Variants in FOXN2 observed in about 807,000 individuals in gnomAD.
The protein encoded by FOXN2 is forkhead box protein N2.
Under a neutral mutation model 41.2 loss-of-function variants are expected in FOXN2, and 19 were observed. The observed-to-expected ratio is 0.46, with a 90% CI of 0.32 to 0.68. The LOEUF (loss-of-function observed/expected upper bound fraction) is 0.68. Ranked by LOEUF, FOXN2 falls within the 30% of genes least tolerant of loss-of-function variation. The pLI, the probability that FOXN2 is intolerant of heterozygous loss-of-function variation, is 0.03. For missense variants in FOXN2, 587 were observed against 509.4 expected (o/e 1.15, Z -1.47); for synonymous variants, 195 against 176.8 (o/e 1.10, Z -0.82).
intron 4 of FOXN2, among the ~76,000 whole-genome samples, chr2:48,359,401 C>G (rs1374753648): frequency 6.6e-6 from 1 of 152,110 alleles, no homozygotes; most frequent in Non-Finnish European, 1.5e-5. Context: ...TCAGGTGATC[C>G]TCCCACCTCG....
chr2:48,343,057 A>G (rs1344778713), intron 2 of FOXN2, among the ~76,000 whole-genome samples: 3 of 152,216 alleles, frequency 2.0e-5, no homozygotes, highest in Non-Finnish European at 4.4e-5. Context: ...TGTTACGTTA[A>G]TAAAACTCAC....
intron 2 of FOXN2, among the ~76,000 whole-genome samples, chr2:48,335,983 G>C (rs1271869183): frequency 6.6e-6 from 1 of 150,594 alleles, no homozygotes; most frequent in Non-Finnish European, 1.5e-5. Flanking sequence ...AGTGAACATC[G>C]CACCACCGCA....
intron 1 of FOXN2, among the ~76,000 whole-genome samples, chr2:48,316,453 T>C (rs1374972876): frequency 6.6e-6 from 1 of 152,244 alleles, no homozygotes; most frequent in Non-Finnish European, 1.5e-5. Context: ...TAGAAAAATC[T>C]ATTTTTTTCT....
At chr2:48,374,457 T>C (rs1000919002) in intron 6 of FOXN2, among the ~76,000 whole-genome samples, 5 of 152,234 alleles carry the variant, frequency 3.3e-5, no homozygotes, top group African/African-American at 1.2e-4. Flanking sequence ...ACAACCACTT[T>C]GGAGGGCAAT....
intron 1 of FOXN2, among the ~76,000 whole-genome samples, chr2:48,319,690 A>C (rs1669161884): frequency 6.7e-6 from 1 of 150,182 alleles, no homozygotes; most frequent in Admixed American, 6.7e-5. Context: ...AGTGCACTGC[A>C]AGCTCCACCT....
At chr2:48,347,785 C>G (rs139379920) in intron 3 of FOXN2, among the ~76,000 whole-genome samples, 99 of 152,180 alleles carry the variant, frequency 6.5e-4, no homozygotes, top group African/African-American at 2.3e-3. Flanking sequence ...TCTCATTATT[C>G]AGTTTTGCTG....
At chr2:48,322,930 G>A (rs1486639271) in intron 1 of FOXN2, among the ~76,000 whole-genome samples, 1 of 149,550 alleles carries the variant, frequency 6.7e-6, no homozygotes, top group African/African-American at 2.5e-5. Context: ...TTGTAACTTT[G>A]TGTGGGATTC....
chr2:48,360,893 G>C (rs1489201968), intron 4 of FOXN2, among the ~76,000 whole-genome samples: 2 of 150,384 alleles, frequency 1.3e-5, no homozygotes, highest in Admixed American at 6.6e-5. Flanking sequence ...GCACGCCTGT[G>C]GTCCCAGCTA....
chr2:48,335,023 A>G (rs936466494), intron 2 of FOXN2, among the ~76,000 whole-genome samples: 2 of 152,222 alleles, frequency 1.3e-5, no homozygotes, highest in African/African-American at 4.8e-5. Context: ...GATAAAACCT[A>G]ACATATAATC....
In FOXN2 at chr2:48,349,756, C is replaced by T. The variant is rs904051075; in HGVS notation, c.537+3005C>T. Among the ~76,000 whole-genome samples the T allele has an allele frequency of 3.9e-5, 6 of 152,170 alleles. No homozygotes were observed. The South Asian group carries it at 6.2e-4, about 16-fold the overall frequency. The stretch of plus-strand genomic sequence containing the variant: ...AACCTGGGCAACAAGAGTGAAACTC[C>T]GTCTCAAAAAATAAATAAATAAAAT... On this transcript the variant is annotated intron_variant, in intron 3 of 6. Transcript: ENST00000340553.
intron 4 of FOXN2, among the ~76,000 whole-genome samples, chr2:48,361,473 A>G (rs902813089): frequency 6.6e-6 from 1 of 152,138 alleles, no homozygotes; most frequent in Non-Finnish European, 1.5e-5. Context: ...TCTCAAAAAA[A>G]AAAAAAAAAG....
rs1199463837 is a variant in FOXN2 at position 48,376,343 on chromosome 2, T to C, written c.*900T>C. 1.3e-5 allele frequency: 2 copies of C among 152,094 alleles called. No individual in the cohort carries two copies. Among genetic ancestry groups the C allele is most frequent in the East Asian group, 3.9e-4 (2 of 5,182 alleles). The allele number at this position is 152,094 out of a possible 1,614,324, so 9.4% of individuals were successfully genotyped here. A position where few individuals can be genotyped will look rare whatever the true frequency, so the allele number is the denominator to read the frequency against. ...CATTTGCCTGCCATGTGTACTGTAT[T>C]ATGAGAATCTTATAATCGGAATGGA... On this transcript the variant is annotated 3_prime_UTR_variant, in exon 7 of 7. Coordinates refer to ENST00000340553, the MANE Select transcript of FOXN2 (RefSeq NM_002158.4).
In FOXN2 at chr2:48,376,669, CTA is replaced by C. The variant is rs1388784377; in HGVS notation, c.*1228_*1229del. The stretch of plus-strand genomic sequence containing the variant: ...AAAGTGCTTTGACTAAGTATCTTAA[CTA>C]TTTGAACAGTCTGCTTATATGAGAC... On this transcript the variant is annotated 3_prime_UTR_variant, in exon 7 of 7. Transcript: ENST00000340553. 6.6e-6 allele frequency: 1 copy of C among 152,442 alleles called. No individual in the cohort carries two copies. The highest frequency in any genetic ancestry group is 2.4e-5 in the African/African-American group (1 of 41,438). The allele number at this position is 152,442 out of a possible 1,614,324, so 9.4% of individuals were successfully genotyped here.
At chr2:48,357,333 A>G (rs1216663100) in intron 3 of FOXN2, among the ~76,000 whole-genome samples, 2 of 152,194 alleles carry the variant, frequency 1.3e-5, no homozygotes, top group Non-Finnish European at 2.9e-5. Context: ...GACTTGAACT[A>G]AACAATTTCT....
At chr2:48,368,478 A>T (rs1285362082) in intron 5 of FOXN2, among the ~76,000 whole-genome samples, 1 of 152,074 alleles carries the variant, frequency 6.6e-6, no homozygotes, top group African/African-American at 2.4e-5. Context: ...CAGCCTGGGC[A>T]ACATGGTGAA....
intron 3 of FOXN2, among the ~76,000 whole-genome samples, chr2:48,355,857 T>G (rs1250411031): frequency 6.6e-6 from 1 of 152,232 alleles, no homozygotes; most frequent in Non-Finnish European, 1.5e-5. Context: ...AAGACAGGTC[T>G]AACAATCCTG....
intron 4 of FOXN2, 136 bp downstream of exon 4, chr2:48,359,283 TTTTTAG>T: frequency 1.5e-6 from 1 of 664,630 alleles, no homozygotes; most frequent in South Asian, 2.1e-5. Flanking sequence ...TAGTTTTTAG[TTTTTAG>T]TTTTTGTTTT....
At chr2:48,343,761 TAA>T (rs397974986) in intron 2 of FOXN2, among the ~76,000 whole-genome samples, 2 of 144,156 alleles carry the variant, frequency 1.4e-5, no homozygotes, top group African/African-American at 2.5e-5. Flanking sequence ...CCTGTCTCTT[TAA>T]AAAAAAAAAA....
chr2:48,335,082 G>T (rs1244786284), intron 2 of FOXN2, among the ~76,000 whole-genome samples: 3 of 152,088 alleles, frequency 2.0e-5, no homozygotes. Context: ...AAAATAAGTG[G>T]CTTATAATAA....
Sources: gnomAD v4.1 joint callset for allele counts (sites outside exome capture counted in the v4.1 genomes callset) on GRCh38, gnomAD v4.1.1 for gene constraint, MANE v1.5 for transcripts, NCBI Gene and HGNC (gene_info 2026-07-23, HGNC 2026-07-21) for gene names.